Variants in DOCK1 observed in about 807,000 individuals in gnomAD.
DOCK1 encodes dedicator of cytokinesis 1.
DOCK1 carries 138 observed loss-of-function variants against 262.7 expected under a neutral mutation model. The observed-to-expected ratio is 0.53, with a 90% CI of 0.46 to 0.61. The LOEUF is 0.61. Ranked by LOEUF, DOCK1 falls within the 20% of genes least tolerant of loss-of-function variation. The probability of loss-of-function intolerance (pLI) is 0.00; values close to 1 mark genes in which losing one functional copy is unlikely to be tolerated. For synonymous variants in DOCK1, 866 were observed against 867.4 expected (o/e 1.00, Z 0.03); for missense variants, 1,908 against 2,370.7 (o/e 0.80, Z 4.05).
rs778638149 is a variant in DOCK1, at chr10:126,970,675, A to G, written c.47-27A>G. 7.7e-6 allele frequency: 12 copies of G among 1,553,222 alleles called. No individual in the cohort carries two copies. The African/African-American group carries it at 1.2e-4, about 16-fold the overall frequency. On this transcript the variant is annotated intron_variant, in intron 1 of 51. Transcript: ENST00000623213. ...GGTCACTTCTATCTTTACTATTACT[A>G]ATATATTTCCCCTTTTTTCATCACA... is the stretch of plus-strand genomic sequence containing the variant.
chr10:127,030,523 T>A (rs1018040710), intron 16 of DOCK1, among the ~76,000 whole-genome samples: 6 of 152,234 alleles, frequency 3.9e-5, no homozygotes, highest in Non-Finnish European at 7.3e-5. Context: ...AGATGTCTTC[T>A]GACTAATAAA....
chr10:126,966,506 C>T (rs936983555), intron 1 of DOCK1, among the ~76,000 whole-genome samples: 1 of 151,974 alleles, frequency 6.6e-6, no homozygotes, highest in Non-Finnish European at 1.5e-5. Context: ...ATATTCCCAC[C>T]GAGTGTCTAA....
At chr10:127,264,510 A>G (rs1327731559) in intron 29 of DOCK1, among the ~76,000 whole-genome samples, 1 of 152,216 alleles carries the variant, frequency 6.6e-6, no homozygotes, top group Non-Finnish European at 1.5e-5. Context: ...AATATGTAAA[A>G]TTGTAGAGAA....
At chr10:127,187,916 A>G (rs1327220667) in intron 27 of DOCK1, among the ~76,000 whole-genome samples, 1 of 152,200 alleles carries the variant, frequency 6.6e-6, no homozygotes, top group Non-Finnish European at 1.5e-5. Context: ...TAATGCACAT[A>G]CGATAAAGAA....
intron 1 of DOCK1, among the ~76,000 whole-genome samples, chr10:126,964,693 G>A (rs2037527508): frequency 6.6e-6 from 1 of 152,226 alleles, no homozygotes; most frequent in Non-Finnish European, 1.5e-5. Context: ...TGACTGAGCC[G>A]AGTTGATTTC....
chr10:127,438,984 A>G (rs934646781), intron 48 of DOCK1, 43 bp from the exon 49 acceptor site: 1 of 1,506,192 alleles, frequency 6.6e-7, no homozygotes, highest in Non-Finnish European at 8.9e-7. Flanking sequence ...TGGGCTGGAA[A>G]GCAATTGCTC....
intron 1 of DOCK1, among the ~76,000 whole-genome samples, chr10:126,954,311 C>A (rs897684580): frequency 1.3e-4 from 20 of 152,350 alleles, no homozygotes; most frequent in Middle Eastern, 3.4e-3. Context: ...GAATCACAGC[C>A]GATGCAGGGG....
intron 28 of DOCK1, among the ~76,000 whole-genome samples, chr10:127,254,839 G>A (rs2059775582): frequency 6.6e-6 from 1 of 152,218 alleles, no homozygotes; most frequent in African/African-American, 2.4e-5. Flanking sequence ...TCAGTGTGAT[G>A]TCTGGAAAGC....
chr10:126,970,584 G>C, intron 1 of DOCK1, 118 bp from the exon 2 acceptor site: 1 of 714,246 alleles, frequency 1.4e-6, no homozygotes. Flanking sequence ...GATGATGCAG[G>C]CAGCGACTGA....
chr10:127,285,652 G>T (rs934095053), intron 29 of DOCK1, among the ~76,000 whole-genome samples: 2 of 152,228 alleles, frequency 1.3e-5, no homozygotes, highest in African/African-American at 4.8e-5. Flanking sequence ...GGCATGCAGG[G>T]AGTGGTCATG....
intron 1 of DOCK1, among the ~76,000 whole-genome samples, chr10:126,934,977 G>T (rs933250539): frequency 2.0e-5 from 3 of 152,100 alleles, no homozygotes; most frequent in Non-Finnish European, 4.4e-5. Context: ...AGGCATGGTG[G>T]CAGGCGCCTG....
In DOCK1 at chr10:126,953,676, G is replaced by A. The variant is rs1054206016; in HGVS notation, c.47-17026G>A. On this transcript the variant is annotated intron_variant, in intron 1 of 51. Coordinates refer to ENST00000623213, the MANE Select transcript of DOCK1 (RefSeq NM_001290223.2). Reference sequence around the variant, plus strand: ...TCCTGGGAATGAGTGTGGGTAGAACGTCCCTCATTTGTGGTTGAGATTTTT... The same window carrying A: ...TCCTGGGAATGAGTGTGGGTAGAACATCCCTCATTTGTGGTTGAGATTTTT... 4.4e-3 allele frequency among the ~76,000 whole-genome samples: 663 copies of A among 152,162 alleles called. 3 individuals are homozygous for A. Among genetic ancestry groups the A allele is most frequent in the African/African-American group, 0.015 (630 of 41,494 alleles).
intron 27 of DOCK1, among the ~76,000 whole-genome samples, chr10:127,234,841 A>C (rs895547843): frequency 2.6e-5 from 4 of 151,310 alleles, no homozygotes; most frequent in Admixed American, 6.6e-5. Context: ...TTTCAAATAC[A>C]ACATTAATTA....
Position 127,106,289 on chromosome 10 carries a change from C to A in DOCK1, c.2504C>A (p.Pro835His). The A allele has an allele frequency of 6.3e-7, 1 of 1,596,634 alleles. No homozygotes were observed. Among genetic ancestry groups the A allele is most frequent in the Non-Finnish European group, 8.5e-7 (1 of 1,170,604 alleles). The change falls in exon 24 of 52, where the codon CCC becomes CAC. Residue 835 changes from proline (P) to histidine (H), a missense_variant. Pro to His is a moderately conservative substitution (Grantham distance 77). Transcript: ENST00000623213. ...AACGATGTGAAATTGGTGTTTGATCCCAAAGAGCTCAGGTAAGTATGCAGC... is the reference window on the plus strand; with the variant it reads ...AACGATGTGAAATTGGTGTTTGATCACAAAGAGCTCAGGTAAGTATGCAGC... ...IVNDVKLVFDPKELSKMFTEF... is the reference protein window; with the variant it reads ...IVNDVKLVFDHKELSKMFTEF...
chr10:126,912,177 C>G (rs1032444154), intron 1 of DOCK1, among the ~76,000 whole-genome samples: 1 of 152,118 alleles, frequency 6.6e-6, no homozygotes, highest in Non-Finnish European at 1.5e-5. Context: ...ACCTGTAATC[C>G]CAGCATTTTG....
intron 29 of DOCK1, among the ~76,000 whole-genome samples, chr10:127,322,729 T>C (rs2062587617): frequency 6.6e-6 from 1 of 152,264 alleles, no homozygotes; most frequent in Non-Finnish European, 1.5e-5. Context: ...ATTCACTTTT[T>C]GTATTGTCAG....
At chr10:127,156,643 AC>A (rs2053110170) in intron 27 of DOCK1, among the ~76,000 whole-genome samples, 1 of 137,724 alleles carries the variant, frequency 7.3e-6, no homozygotes, top group South Asian at 2.2e-4. Flanking sequence ...ATCTGGGCTC[AC>A]CACAACCTCC....
At chr10:127,052,575 G>T in intron 21 of DOCK1, 106 bp from the exon 22 acceptor site, 3 of 1,470,882 alleles carry the variant, frequency 2.0e-6, no homozygotes, top group Non-Finnish European at 1.9e-6. Flanking sequence ...TATACTGATA[G>T]ATGGAAACCA....
At position 126,996,892 on chromosome 10, in the gene DOCK1, G is replaced by A. The variant is rs748051381; in HGVS notation, c.609+9G>A. 1.3e-6 allele frequency: 2 copies of A among 1,592,414 alleles called. No individual in the cohort carries two copies. The highest frequency in any genetic ancestry group is 1.7e-6 in the Non-Finnish European group (2 of 1,172,396). On this transcript the variant is annotated intron_variant, in intron 7 of 51. Coordinates refer to ENST00000623213, the MANE Select transcript of DOCK1 (RefSeq NM_001290223.2). ...GGTTACAAGAGGAAAAAGTAAGTTT[G>A]ACTCTGTCATATGCCATTCACGTTT...
Sources: allele counts gnomAD v4.1 joint callset (sites outside exome capture counted in the v4.1 genomes callset), GRCh38; gene constraint gnomAD v4.1.1; transcripts MANE v1.5; gene names NCBI Gene and HGNC (gene_info 2026-07-23, HGNC 2026-07-21).